CNIH3: variants seen among roughly 807,000 people sequenced by gnomAD.
CNIH3 encodes protein cornichon homolog 3.
A neutral mutation model predicts 24.1 loss-of-function variants in CNIH3; 14 were observed. That is an observed-to-expected ratio of 0.58 (90% CI 0.38 to 0.91). The LOEUF (loss-of-function observed/expected upper bound fraction) is 0.91. CNIH3 is among the 40% of genes least tolerant of loss of function. The pLI, the probability that CNIH3 is intolerant of heterozygous loss-of-function variation, is 0.00. For synonymous variants in CNIH3, 68 were observed against 73.8 expected (o/e 0.92, Z 0.40); for missense variants, 178 against 196.8 (o/e 0.90, Z 0.57).
intron 1 of CNIH3, among the ~76,000 whole-genome samples, chr1:224,643,142 C>A (rs1224615839): frequency 6.6e-6 from 1 of 152,184 alleles, no homozygotes; most frequent in African/African-American, 2.4e-5. Flanking sequence ...CTTTGTATTC[C>A]TGTCCTCAAA....
intron 3 of CNIH3, among the ~76,000 whole-genome samples, chr1:224,560,345 C>T (rs1035004228): frequency 6.6e-6 from 1 of 152,130 alleles, no homozygotes; most frequent in African/African-American, 2.4e-5. Flanking sequence ...TCTTCAGTAG[C>T]ACATAGGAAC....
chr1:224,482,887 G>A (rs1038049240), intron 1 of CNIH3, among the ~76,000 whole-genome samples: 4 of 152,084 alleles, frequency 2.6e-5, no homozygotes, highest in East Asian at 3.9e-4. Context: ...GTTAGCCTGC[G>A]GTGACAAGGC....
At chr1:224,716,858 T>TCCCG (rs1210917631) in intron 3 of CNIH3, among the ~76,000 whole-genome samples, 1 of 152,312 alleles carries the variant, frequency 6.6e-6, no homozygotes, top group Admixed American at 6.5e-5. Context: ...AAGTGCTGTC[T>TCCCG]TCTGGCAGTG....
chr1:224,454,437 C>T, intron 1 of CNIH3: 1 of 508,448 alleles, frequency 2.0e-6, no homozygotes, highest in Non-Finnish European at 2.5e-6. Flanking sequence ...TCTCTTGTTT[C>T]TATTGGTGTA....
At chr1:224,652,705 G>A (rs2125106498) in intron 1 of CNIH3, among the ~76,000 whole-genome samples, 1 of 152,306 alleles carries the variant, frequency 6.6e-6, no homozygotes, top group South Asian at 2.1e-4. Flanking sequence ...GGACAGCAAG[G>A]GGGCTCCACA....
chr1:224,612,206 ATCT>A (rs1682733284), upstream of CNIH3, among the ~76,000 whole-genome samples: 1 of 152,228 alleles, frequency 6.6e-6, no homozygotes, highest in African/African-American at 2.4e-5. The surrounding 1 kb of genome is among the most constrained non-coding windows in gnomAD (Gnocchi z 4.7). Context: ...ATACAGTAAC[ATCT>A]TCTTGAAAGC....
At chr1:224,669,908 G>T (rs1182034230) in intron 1 of CNIH3, among the ~76,000 whole-genome samples, 1 of 152,146 alleles carries the variant, frequency 6.6e-6, no homozygotes, top group Non-Finnish European at 1.5e-5. Context: ...TGCATGGTAT[G>T]TGTAACAATG....
rs1320002924 is a variant in CNIH3, at chr1:224,463,771, TCA to T, written n.203+28910_203+28911del. On this transcript the variant is annotated intron_variant and non_coding_transcript_variant, in intron 1 of 5. Coordinates refer to the CNIH3 transcript ENST00000471578. ...TTTTCTCCCAGCTTATGAATTGTCC[TCA>T]TTTTTTTTTTTTTTTTTTTTTTTTT... Among the ~76,000 whole-genome samples, 48 of 115,106 alleles carry T rather than the reference TCA, an allele frequency of 4.2e-4. 1 individual carries two copies. Among genetic ancestry groups the T allele is most frequent in the African/African-American group, 1.0e-3 (30 of 29,454 alleles). The allele number at this position is 115,106 out of a possible 152,430, so 75.5% of individuals were successfully genotyped here.
chr1:224,530,692 T>C (rs1337858481), intron 2 of CNIH3, among the ~76,000 whole-genome samples: 1 of 152,034 alleles, frequency 6.6e-6, no homozygotes, highest in African/African-American at 2.4e-5. Flanking sequence ...CTCTGCCTCC[T>C]GGGTTCAAGC....
chr1:224,675,732 C>T (rs770806527), intron 1 of CNIH3, among the ~76,000 whole-genome samples: 1 of 152,154 alleles, frequency 6.6e-6, no homozygotes, highest in African/African-American at 2.4e-5. Flanking sequence ...TGCTCAGCAT[C>T]GTTAGTCACT....
intron 1 of CNIH3, among the ~76,000 whole-genome samples, chr1:224,516,343 C>T (rs1572396958): frequency 6.9e-6 from 1 of 144,874 alleles, no homozygotes; most frequent in East Asian, 2.1e-4. Context: ...AAAAAAAAAT[C>T]CATGCACTTC....
intron 1 of CNIH3, among the ~76,000 whole-genome samples, chr1:224,627,503 C>T (rs1471290385): frequency 1.3e-5 from 2 of 152,186 alleles, no homozygotes; most frequent in South Asian, 2.1e-4. Context: ...GGATTACAGG[C>T]GTGAGCCACC....
intron 4 of CNIH3, among the ~76,000 whole-genome samples, chr1:224,574,071 A>C (rs1680933233): frequency 6.6e-6 from 1 of 152,184 alleles, no homozygotes; most frequent in Non-Finnish European, 1.5e-5. Flanking sequence ...TGTTCTAATT[A>C]GAAAATATAT....
intron 1 of CNIH3, among the ~76,000 whole-genome samples, chr1:224,461,667 C>T (rs930784759): frequency 5.3e-5 from 8 of 152,186 alleles, no homozygotes; most frequent in African/African-American, 1.7e-4. Flanking sequence ...CTACAAAATT[C>T]ACCCATTTAA....
rs916815342 is a variant in CNIH3, at chr1:224,563,457, C to G, written n.451-2742C>G. On this transcript the variant is annotated intron_variant and non_coding_transcript_variant, in intron 3 of 5. Transcript: ENST00000471578. Reference sequence around the variant, plus strand: ...CAATACTACATTGAAATATTTTAGACGGGGTGTGTGTGTGTGTGTGTGTGT... The same window carrying G: ...CAATACTACATTGAAATATTTTAGAGGGGGTGTGTGTGTGTGTGTGTGTGT... 2.0e-4 allele frequency among the ~76,000 whole-genome samples: 22 copies of G among 108,036 alleles called. 2 individuals are homozygous for G. The Admixed American group carries it at 2.1e-3, about 10-fold the overall frequency. 70.9% of individuals were successfully genotyped at this position (108,036 alleles called of 152,430 possible).
chr1:224,539,376 T>C (rs1206527733), downstream of CNIH3, among the ~76,000 whole-genome samples: 1 of 152,256 alleles, frequency 6.6e-6, no homozygotes, highest in East Asian at 1.9e-4. Flanking sequence ...AATACCTTGA[T>C]TCTGCTATAA....
At chr1:224,457,183 G>A (rs10916619) in intron 1 of CNIH3, among the ~76,000 whole-genome samples, 28,052 of 151,986 alleles carry the variant, frequency 0.18, 2,834 homozygotes, top group Middle Eastern at 0.23. Context: ...AGTAAGAGAT[G>A]GTGGTGGTAA....
At chr1:224,732,847 G>A (rs553863703) in intron 4 of CNIH3, among the ~76,000 whole-genome samples, 50 of 152,292 alleles carry the variant, frequency 3.3e-4, no homozygotes, top group African/African-American at 1.1e-3. Context: ...GGGAGGGGCT[G>A]CAATCTCCTT....
intron 1 of CNIH3, among the ~76,000 whole-genome samples, chr1:224,660,307 C>T (rs979962595): frequency 5.9e-5 from 9 of 152,074 alleles, no homozygotes; most frequent in African/African-American, 1.2e-4. Flanking sequence ...CTCACTACCA[C>T]GAGAACAGTG....
Sources: gnomAD v4.1 joint callset for allele counts (sites outside exome capture counted in the v4.1 genomes callset) on GRCh38, gnomAD v4.1.1 for gene constraint, Gnocchi (gnomAD v3.1) non-coding constraint, MANE v1.5 for transcripts, NCBI Gene and HGNC (gene_info 2026-07-23, HGNC 2026-07-21) for gene names.